Variants in PRKCQ observed in about 807,000 individuals in gnomAD.
The protein encoded by PRKCQ is protein kinase C theta.
Under a neutral mutation model 91.2 loss-of-function variants are expected in PRKCQ, and 41 were observed. That is an observed-to-expected ratio of 0.45 (90% CI 0.35 to 0.58). The LOEUF (loss-of-function observed/expected upper bound fraction) is 0.58, where lower values mean the gene tolerates loss of function less well. Among genes scored for constraint, PRKCQ ranks in the 20% least tolerant of loss-of-function variants. The pLI is 0.00. For synonymous variants in PRKCQ, 307 were observed against 316.9 expected (o/e 0.97, Z 0.33); for missense variants, 673 against 896.5 (o/e 0.75, Z 3.18).
intron 1 of PRKCQ, among the ~76,000 whole-genome samples, chr10:6,569,785 T>C (rs560025963): frequency 1.3e-5 from 2 of 152,110 alleles, no homozygotes; most frequent in Non-Finnish European, 2.9e-5. Flanking sequence ...TCTATGCCAG[T>C]TGCAGAAAAG....
the PRKCQ span, among the ~76,000 whole-genome samples, chr10:6,395,359 CG>C: frequency 6.6e-6 from 1 of 152,058 alleles, no homozygotes; most frequent in Admixed American, 6.6e-5. Context: ...CCAGCGCGCC[CG>C]GCCGGCTGGA....
At chr10:6,578,062 G>C (rs1007580700) in intron 1 of PRKCQ, among the ~76,000 whole-genome samples, 5 of 152,234 alleles carry the variant, frequency 3.3e-5, no homozygotes, top group Non-Finnish European at 5.9e-5. Flanking sequence ...CCAGTGACAA[G>C]CCGGCTATGT....
At chr10:6,428,585 C>G (rs1337270749) in intron 17 of PRKCQ, among the ~76,000 whole-genome samples, 1 of 152,090 alleles carries the variant, frequency 6.6e-6, no homozygotes, top group Non-Finnish European at 1.5e-5. Context: ...CATAAATTCA[C>G]AGAAAGACTA....
intron 1 of PRKCQ, among the ~76,000 whole-genome samples, chr10:6,560,932 A>G (rs1350069773): frequency 6.6e-6 from 1 of 151,794 alleles, no homozygotes; most frequent in South Asian, 2.1e-4. Flanking sequence ...CCAGCTACTC[A>G]GGAGGCTGAG....
intron 1 of PRKCQ, among the ~76,000 whole-genome samples, chr10:6,531,624 G>A (rs1839398485): frequency 1.3e-5 from 2 of 151,944 alleles, no homozygotes; most frequent in Admixed American, 1.3e-4. Flanking sequence ...CCCAGAGAAT[G>A]GAAGAAGGTA....
intron 1 of PRKCQ, among the ~76,000 whole-genome samples, chr10:6,522,102 C>T (rs1457842147): frequency 1.3e-5 from 2 of 152,160 alleles, no homozygotes; most frequent in Admixed American, 6.5e-5. Flanking sequence ...CCACCACGCC[C>T]GGCTAAGTTT....
intron 12 of PRKCQ, among the ~76,000 whole-genome samples, chr10:6,478,275 A>C (rs1024304378): frequency 6.6e-6 from 1 of 152,192 alleles, no homozygotes; most frequent in Admixed American, 6.5e-5. Flanking sequence ...ATAGAAGGAG[A>C]AACTTCAAAG....
intron 2 of PRKCQ, 100 bp downstream of exon 2, chr10:6,514,916 CCA>C: frequency 7.0e-6 from 11 of 1,563,966 alleles, no homozygotes; most frequent in Non-Finnish European, 9.5e-6. Context: ...GGATTTGGTT[CCA>C]CCAGATGATG....
chr10:6,506,712 G>A (rs1466103239), intron 4 of PRKCQ, among the ~76,000 whole-genome samples: 2 of 152,142 alleles, frequency 1.3e-5, no homozygotes, highest in African/African-American at 2.4e-5. Flanking sequence ...CACCATAAAT[G>A]TATAAAGTTA....
the PRKCQ span, among the ~76,000 whole-genome samples, chr10:6,395,547 G>A: frequency 3.3e-3 from 502 of 152,230 alleles, 5 homozygotes; most frequent in African/African-American, 0.011. Flanking sequence ...TCAGAATCCC[G>A]TAGCCTCCAA....
At chr10:6,411,539 C>T in the PRKCQ span, among the ~76,000 whole-genome samples, 3 of 152,216 alleles carry the variant, frequency 2.0e-5, no homozygotes, top group Non-Finnish European at 4.4e-5. Flanking sequence ...ATAAAACTGA[C>T]TTCCTGATTT....
At chr10:6,423,100 G>A (rs1030106014), downstream of PRKCQ, among the ~76,000 whole-genome samples, 11 of 152,224 alleles carry the variant, frequency 7.2e-5, no homozygotes, top group Non-Finnish European at 1.6e-4. Context: ...GGTGTGGTCA[G>A]CAAAGGCAGG....
chr10:6,506,138 G>A (rs1025242059), intron 4 of PRKCQ, among the ~76,000 whole-genome samples: 4 of 152,014 alleles, frequency 2.6e-5, no homozygotes, highest in Non-Finnish European at 5.9e-5. Flanking sequence ...TATGTGTACT[G>A]TATATCTACA....
At chr10:6,441,772 T>TA (rs752996153) in intron 16 of PRKCQ, 121 bp downstream of exon 16, 57 of 1,046,802 alleles carry the variant, frequency 5.4e-5, no homozygotes, top group Non-Finnish European at 7.7e-5. Flanking sequence ...ACATCCCATT[T>TA]AAACCCAGTT....
chr10:6,490,892 G>T (rs537621120), intron 8 of PRKCQ, among the ~76,000 whole-genome samples: 29 of 149,022 alleles, frequency 1.9e-4, no homozygotes, highest in African/African-American at 6.6e-4. Context: ...GTTCTTGAGG[G>T]TTTTTTTTTT....
chr10:6,422,763 C>T (rs111666745), downstream of PRKCQ, among the ~76,000 whole-genome samples: 207 of 152,256 alleles, frequency 1.4e-3, no homozygotes, highest in Middle Eastern at 3.4e-3. Flanking sequence ...AAGCTTCATC[C>T]GCAGTAGAGT....
At chr10:6,414,111 G>C in the PRKCQ span, among the ~76,000 whole-genome samples, 49,608 of 152,054 alleles carry the variant, frequency 0.33, 8,887 homozygotes, top group African/African-American at 0.48. Context: ...GGAACTCAAG[G>C]TGACTCCGGA....
the PRKCQ span, among the ~76,000 whole-genome samples, chr10:6,409,417 C>A: frequency 2.0e-5 from 3 of 152,320 alleles, no homozygotes; most frequent in East Asian, 1.9e-4. Flanking sequence ...GCCTCAGCCT[C>A]CTGAGTAGCT....
At chr10:6,554,811 A>G (rs985051931) in intron 1 of PRKCQ, among the ~76,000 whole-genome samples, 8 of 152,226 alleles carry the variant, frequency 5.3e-5, no homozygotes, top group Admixed American at 2.0e-4. Flanking sequence ...TCCAAAAGAA[A>G]ATAAATCACC....
Sources: gnomAD v4.1 joint callset for allele counts (sites outside exome capture counted in the v4.1 genomes callset) on GRCh38, gnomAD v4.1.1 for gene constraint, MANE v1.5 for transcripts, NCBI Gene and HGNC (gene_info 2026-07-23, HGNC 2026-07-21) for gene names.